Variants in SLC6A17 observed in about 807,000 individuals in gnomAD.
The protein encoded by SLC6A17 is sodium-dependent neutral amino acid transporter SLC6A17.
Under a neutral mutation model 64.5 loss-of-function variants are expected in SLC6A17, and 21 were observed. The observed-to-expected ratio is 0.33, with a 90% confidence interval of 0.23 to 0.47. The LOEUF is 0.47. Ranked by LOEUF, SLC6A17 falls within the 20% of genes least tolerant of loss-of-function variation. SLC6A17 has a pLI of 1.00. For synonymous variants in SLC6A17, 372 were observed against 399.5 expected, an observed-to-expected ratio of 0.93 and a Z score of 0.82; for missense variants, 682 against 963.2, an observed-to-expected ratio of 0.71 and a Z score of 3.86.
rs1657088255 is a variant in SLC6A17 at position 110,200,240 on chromosome 1, C to T, written c.*1796C>T. 1 of 397,024 alleles carries T rather than the reference C, an allele frequency of 2.5e-6. No individual in the cohort carries two copies. Among genetic ancestry groups the T allele is most frequent in the East Asian group, 3.6e-5 (1 of 28,016 alleles). 24.6% of individuals were successfully genotyped at this position (397,024 alleles called of 1,614,324 possible). On this transcript the variant is annotated 3_prime_UTR_variant, in exon 12 of 12. Transcript: ENST00000331565. The stretch of plus-strand genomic sequence containing the variant: ...CCCCAACCCTGCCATCTCCCTTACT[C>T]ATCCCTCTTCCACAGCTTCCCCTTT...
Position 110,173,623 on chromosome 1 carries a change from T to A in SLC6A17, c.445-350T>A, listed in dbSNP as rs139321792. The stretch of plus-strand genomic sequence containing the variant: ...TGCCTTCACAGTCCTGGAGGGCATC[T>A]CTGTCATTACAATCCCCAGTCATCA... On this transcript the variant is annotated intron_variant, in intron 3 of 11. Transcript: ENST00000331565. 4.6e-4 allele frequency among the ~76,000 whole-genome samples: 70 copies of A among 152,336 alleles called. 2 individuals carry two copies. The East Asian group carries it at 0.012, about 26-fold the overall frequency.
chr1:110,169,896 G>A (rs979781459), intron 2 of SLC6A17, among the ~76,000 whole-genome samples: 15 of 152,278 alleles, frequency 9.9e-5, no homozygotes, highest in African/African-American at 2.4e-4. Flanking sequence ...TCTTGACCGC[G>A]GCCCCCTGAG....
At chr1:110,194,263 A>G (rs1172509125) in intron 8 of SLC6A17, among the ~76,000 whole-genome samples, 2 of 152,140 alleles carry the variant, frequency 1.3e-5, no homozygotes, top group Admixed American at 1.3e-4. Flanking sequence ...ATCTTAGAGG[A>G]GCAGGGTCCT....
intron 10 of SLC6A17, among the ~76,000 whole-genome samples, chr1:110,196,656 T>C (rs1316475299): frequency 1.3e-5 from 2 of 152,246 alleles, no homozygotes; most frequent in Non-Finnish European, 2.9e-5. Flanking sequence ...AAGAAACTTA[T>C]TATATTGAAA....
intron 6 of SLC6A17, among the ~76,000 whole-genome samples, chr1:110,182,193 G>A (rs905608853): frequency 1.3e-5 from 2 of 152,170 alleles, no homozygotes; most frequent in Non-Finnish European, 2.9e-5. Context: ...AGTCAAAAGG[G>A]TTTGCTGTTG....
chr1:110,190,081 G>A (rs1264028996), intron 6 of SLC6A17, among the ~76,000 whole-genome samples: 1 of 152,210 alleles, frequency 6.6e-6, no homozygotes, highest in African/African-American at 2.4e-5. Context: ...GCCCACAGCA[G>A]GTGCTCAGAG....
At chr1:110,196,147 T>A (rs144427237) in intron 10 of SLC6A17, among the ~76,000 whole-genome samples, 16 of 152,194 alleles carry the variant, frequency 1.1e-4, no homozygotes, top group Admixed American at 7.2e-4. Context: ...GAGGTATGAT[T>A]TTGGCCCCAA....
chr1:110,184,704 G>A (rs968003399), intron 6 of SLC6A17, among the ~76,000 whole-genome samples: 7 of 152,230 alleles, frequency 4.6e-5, no homozygotes, highest in African/African-American at 1.7e-4. Flanking sequence ...GGCCCCAGGA[G>A]TGTGGAGAGT....
Position 110,174,914 on chromosome 1 carries a change from G to T in SLC6A17, c.707G>T (p.Ser236Ile). 6.2e-7 allele frequency: 1 copy of T among 1,614,192 alleles called. No individual in the cohort carries two copies. Among genetic ancestry groups the T allele is most frequent in the Non-Finnish European group, 8.5e-7 (1 of 1,180,022 alleles). ...KMTLCLLVAW[S>I]IVGMAVVKGI... ...ACCCTGTGCCTCCTCGTGGCCTGGA[G>T]CATCGTGGGGATGGCTGTCGTTAAG... is the stretch of plus-strand genomic sequence containing the variant. Residue 236 changes from serine (S) to isoleucine (I), a missense_variant, in exon 5 of 12, where the codon AGC becomes ATC. Ser to Ile is a moderately radical substitution (Grantham distance 142). This residue lies in a region of SLC6A17 where 415 missense variants were observed against 603.8 expected (regional missense o/e 0.69). Coordinates refer to ENST00000331565, the MANE Select transcript of SLC6A17 (RefSeq NM_001010898.4).
intron 1 of SLC6A17, among the ~76,000 whole-genome samples, chr1:110,156,390 G>A (rs1655760743): frequency 6.6e-6 from 1 of 152,176 alleles, no homozygotes; most frequent in South Asian, 2.1e-4. Flanking sequence ...AAATAATGAT[G>A]CCCTCATCCC....
At chr1:110,176,494 T>A (rs1237581366) in intron 5 of SLC6A17, 135 bp from the exon 6 acceptor site, 2 of 796,394 alleles carry the variant, frequency 2.5e-6, no homozygotes, top group South Asian at 1.6e-5. Context: ...GTTTTGGCCC[T>A]CTGCCCAGGG....
At chr1:110,162,941 A>G (rs1350792393) in intron 1 of SLC6A17, among the ~76,000 whole-genome samples, 2 of 150,218 alleles carry the variant, frequency 1.3e-5, no homozygotes, top group African/African-American at 4.9e-5. Flanking sequence ...TGCCCAGGCC[A>G]GGTGGCTGGC....
chr1:110,197,294 C>T (rs540574723), intron 10 of SLC6A17, 143 bp from the exon 11 acceptor site: 1 of 1,139,260 alleles, frequency 8.8e-7, no homozygotes, highest in African/African-American at 1.5e-5. Context: ...AGACCACACA[C>T]AATGAGCACT....
Position 110,192,078 on chromosome 1 carries a change from A to C in SLC6A17, c.971A>C (p.Lys324Thr), listed in dbSNP as rs771094387. 3 of 1,614,198 alleles carry C rather than the reference A, an allele frequency of 1.9e-6. No individual in the cohort carries two copies. The highest frequency in any genetic ancestry group is 2.5e-6 in the Non-Finnish European group (3 of 1,180,038). Residue 324 changes from lysine (K) to threonine (T), a missense_variant, in exon 7 of 12, where the codon AAG (lysine) becomes ACG (threonine). Transcript: ENST00000331565. This position sits in a 1 kb window ranked among gnomAD's most constrained non-coding sequence, Gnocchi z 4.3. ...GTCATTGCCTTCTCCAGCTACAATA[A>C]GCAGGACAACAACTGCCACTTCGAT... ...GGVIAFSSYN[K>T]QDNNCHFDAA...
At chr1:110,195,862 T>C in intron 10 of SLC6A17, 117 bp downstream of exon 10, 1 of 1,431,176 alleles carries the variant, frequency 7.0e-7, no homozygotes, top group Non-Finnish European at 9.5e-7. Context: ...TTACGGATCA[T>C]TTAGGGAAAC....
chr1:110,195,468 G>A, intron 9 of SLC6A17, 118 bp from the exon 10 acceptor site: 1 of 1,269,420 alleles, frequency 7.9e-7, no homozygotes. Context: ...CTGGCAGGAG[G>A]GCTGCAGGCA....
At chr1:110,162,249 C>T (rs1655932145) in intron 1 of SLC6A17, among the ~76,000 whole-genome samples, 1 of 152,236 alleles carries the variant, frequency 6.6e-6, no homozygotes, top group African/African-American at 2.4e-5. Context: ...TACCATGCTC[C>T]AGTGGGCTCT....
Position 110,197,616 on chromosome 1 carries a change from C to A in SLC6A17, c.1815+17C>A. 2.5e-6 allele frequency: 4 copies of A among 1,577,394 alleles called. No individual in the cohort carries two copies. Among genetic ancestry groups the A allele is most frequent in the Non-Finnish European group, 3.4e-6 (4 of 1,165,330 alleles). The stretch of plus-strand genomic sequence containing the variant: ...AAGGAGGAGGTGAGGGGTGGGGCCC[C>A]AAACCCCAGGGACATTTGCATCTTC... On this transcript the variant is annotated intron_variant, in intron 11 of 11. Coordinates refer to ENST00000331565, the MANE Select transcript of SLC6A17 (RefSeq NM_001010898.4).
intron 1 of SLC6A17, among the ~76,000 whole-genome samples, chr1:110,151,183 A>G (rs960427991): frequency 6.6e-6 from 1 of 152,178 alleles, no homozygotes; most frequent in Non-Finnish European, 1.5e-5. Flanking sequence ...TCCGGAGGAA[A>G]TTGGGCTTAG....
Sources: gnomAD v4.1 joint callset for allele counts (sites outside exome capture counted in the v4.1 genomes callset) on GRCh38, gnomAD v4.1.1 for gene constraint, gnomAD v4.1.1 regional missense constraint, Gnocchi (gnomAD v3.1) non-coding constraint, MANE v1.5 for transcripts, NCBI Gene and HGNC (gene_info 2026-07-23, HGNC 2026-07-21) for gene names.